Variants in PALLD observed in about 807,000 individuals in gnomAD.
PALLD encodes the protein palladin, cytoskeletal associated protein.
A neutral mutation model predicts 123.5 loss-of-function variants in PALLD; 61 were observed. That is an observed-to-expected ratio of 0.49 (90% CI 0.40 to 0.61). The LOEUF (loss-of-function observed/expected upper bound fraction) is 0.61, where lower values mean the gene tolerates loss of function less well. PALLD is among the 20% of genes least tolerant of loss of function. The pLI is 0.00. For missense variants in PALLD, 1,273 were observed against 1,377.0 expected (o/e 0.92, Z 1.20); for synonymous variants, 465 against 496.4 (o/e 0.94, Z 0.84).
In PALLD at chr4:168,844,680, C is replaced by T. The variant is rs535176833; in HGVS notation, c.1965-46242C>T. 3.9e-5 allele frequency: 6 copies of T among 152,148 alleles called. No individual in the cohort carries two copies. Among genetic ancestry groups the T allele is most frequent in the Non-Finnish European group, 7.3e-5 (5 of 68,034 alleles). The allele number at this position is 152,148 out of a possible 1,614,324, so 9.4% of individuals were successfully genotyped here. On this transcript the variant is annotated intron_variant, in intron 10 of 21. Coordinates refer to ENST00000505667, the MANE Select transcript of PALLD (RefSeq NM_001166108.2). The surrounding 1 kb of genome is among the most constrained non-coding windows in gnomAD (Gnocchi z 4.5). ...GAGATTGGACTCTGGCATCCCACAGCGTATCTTCCCTGCCAACTTCCTAAT... is the reference window on the plus strand; with the variant it reads ...GAGATTGGACTCTGGCATCCCACAGTGTATCTTCCCTGCCAACTTCCTAAT...
chr4:168,722,319 C>T (rs546900814), intron 10 of PALLD, among the ~76,000 whole-genome samples: 1 of 152,176 alleles, frequency 6.6e-6, no homozygotes, highest in East Asian at 1.9e-4. Flanking sequence ...AGACGTGAGC[C>T]ACCACACCTG....
At chr4:168,661,275 A>T (rs1316971338) in intron 2 of PALLD, among the ~76,000 whole-genome samples, 1 of 152,190 alleles carries the variant, frequency 6.6e-6, no homozygotes, top group South Asian at 2.1e-4. Flanking sequence ...GTATTTCCTT[A>T]TGTCTACAAT....
chr4:168,502,556 G>A (rs918253056), intron 1 of PALLD, among the ~76,000 whole-genome samples: 18 of 152,042 alleles, frequency 1.2e-4, no homozygotes, highest in Admixed American at 7.2e-4. Context: ...AACAGAGCCC[G>A]GGACACAAGC....
chr4:168,639,578 C>T (rs1348104018), intron 2 of PALLD, among the ~76,000 whole-genome samples: 3 of 148,256 alleles, frequency 2.0e-5, no homozygotes, highest in East Asian at 2.0e-4. Context: ...GAGTCTTGCT[C>T]TGTCACCCAG....
chr4:168,683,676 TA>T (rs375061129), intron 5 of PALLD, among the ~76,000 whole-genome samples: 6 of 149,192 alleles, frequency 4.0e-5, no homozygotes, highest in Admixed American at 1.3e-4. Context: ...GAACTTCTTT[TA>T]AAAAAAAAAG....
intron 2 of PALLD, among the ~76,000 whole-genome samples, chr4:168,556,347 T>G (rs955755988): frequency 2.6e-5 from 4 of 152,118 alleles, no homozygotes; most frequent in Non-Finnish European, 5.9e-5. Context: ...CGCCCGCCTC[T>G]GCCTCCCAAA....
At chr4:168,550,767 C>T (rs1766652333) in intron 2 of PALLD, among the ~76,000 whole-genome samples, 1 of 152,168 alleles carries the variant, frequency 6.6e-6, no homozygotes, top group South Asian at 2.1e-4. Context: ...TCTTTAGAGA[C>T]ATATGTTATG....
At chr4:168,770,595 TC>T (rs1167159650) in intron 10 of PALLD, among the ~76,000 whole-genome samples, 1 of 152,220 alleles carries the variant, frequency 6.6e-6, no homozygotes, top group Admixed American at 6.5e-5. Context: ...TGTACTTCTG[TC>T]TTTTTCCATT....
In PALLD at chr4:168,642,372, ATCT is replaced by A. The variant is rs1296194646; in HGVS notation, c.909-25813_909-25811del. ...TCTATTCCCTTTTCCAAGTGCAGGA[ATCT>A]TCTTTTTTATTTTTATTTATGTATT... On this transcript the variant is annotated intron_variant, in intron 2 of 21. Coordinates refer to ENST00000505667, the MANE Select transcript of PALLD (RefSeq NM_001166108.2). Among the ~76,000 whole-genome samples, 4 of 152,110 alleles carry A rather than the reference ATCT, an allele frequency of 2.6e-5. No individual in the cohort carries two copies. In the East Asian group the frequency reaches 7.7e-4, roughly 29 times the overall value.
intron 2 of PALLD, among the ~76,000 whole-genome samples, chr4:168,580,471 T>C (rs1580410727): frequency 6.6e-6 from 1 of 151,766 alleles, no homozygotes; most frequent in Non-Finnish European, 1.5e-5. Flanking sequence ...AGACAAAAAA[T>C]AACAGGTGCT....
In PALLD at chr4:168,711,839, C is replaced by T; in HGVS notation, c.1880C>T (p.Ala627Val). 2 of 1,614,170 alleles carry T rather than the reference C, an allele frequency of 1.2e-6. No homozygotes were observed. The highest frequency in any genetic ancestry group is 1.7e-5 in the Admixed American group (1 of 60,006). The change falls in exon 10 of 22, where the codon GCT becomes GTT. Residue 627 changes from alanine (A) to valine (V), a missense_variant. Ala to Val is a moderately conservative substitution (Grantham distance 64). Around this residue, in one of 2 missense-constraint regions of PALLD, gnomAD observed 944 missense variants for 954.5 expected, o/e 0.99. Coordinates refer to ENST00000505667, the MANE Select transcript of PALLD (RefSeq NM_001166108.2). ...RGVNGLINGK[A>V]NSNKSLPTPA... ...GTAAATGGACTGATTAACGGCAAAG[C>T]TAACAGTAATAAATCTCTTCCAACA...
intron 2 of PALLD, among the ~76,000 whole-genome samples, chr4:168,588,511 C>T (rs1314984631): frequency 1.3e-5 from 2 of 152,244 alleles, no homozygotes; most frequent in Non-Finnish European, 1.5e-5. Context: ...AAGCGATTCT[C>T]ATGCCTCAGC....
In PALLD at chr4:168,512,192, A is replaced by G; in HGVS notation, c.688A>G (p.Met230Val). ...SQSPMEDQGEMEREVKSPGAR... is the reference protein window; with the variant it reads ...SQSPMEDQGEVEREVKSPGAR... Reference sequence around the variant, plus strand: ...GAGCCCTATGGAAGACCAAGGGGAGATGGAAAGAGAGGTCAAGTCCCCTGG... The same window carrying G: ...GAGCCCTATGGAAGACCAAGGGGAGGTGGAAAGAGAGGTCAAGTCCCCTGG... The change falls in exon 2 of 22, where the codon ATG becomes GTG. Residue 230 changes from methionine (M) to valine (V), a missense_variant. By Grantham distance (21) the Met-to-Val change is conservative. This residue lies in a region of PALLD where 944 missense variants were observed against 954.5 expected (regional missense o/e 0.99). Transcript: ENST00000505667. 1 of 1,613,624 alleles carries G rather than the reference A, an allele frequency of 6.2e-7. No individual in the cohort carries two copies. Among genetic ancestry groups the G allele is most frequent in the Non-Finnish European group, 8.5e-7 (1 of 1,179,670 alleles).
intron 2 of PALLD, among the ~76,000 whole-genome samples, chr4:168,639,268 A>G (rs1776655675): frequency 6.6e-6 from 1 of 152,252 alleles, no homozygotes; most frequent in African/African-American, 2.4e-5. Context: ...ACTGAGGCCC[A>G]GACAAGTTAA....
intron 10 of PALLD, among the ~76,000 whole-genome samples, chr4:168,774,727 C>CAAAAAA (rs56364164): frequency 1.2e-4 from 9 of 73,216 alleles, no homozygotes; most frequent in African/African-American, 2.5e-4. Flanking sequence ...GACTGCATCT[C>CAAAAAA]AAAAAAAAAA....
Position 168,713,955 on chromosome 4 carries a change from T to G in PALLD, c.1964+2032T>G, listed in dbSNP as rs909310701. Among the ~76,000 whole-genome samples, 11 of 146,866 alleles carry G rather than the reference T, an allele frequency of 7.5e-5. No homozygotes were observed. The South Asian group carries it at 1.1e-3, about 14-fold the overall frequency. On this transcript the variant is annotated intron_variant, in intron 10 of 21. Coordinates refer to ENST00000505667, the MANE Select transcript of PALLD (RefSeq NM_001166108.2). ...GGTTTTCCCATTGTTTTTTTTTTTTTTTTTTTTTTTTTTCAAATCTTCGTA... is the reference window on the plus strand; with the variant it reads ...GGTTTTCCCATTGTTTTTTTTTTTTGTTTTTTTTTTTTTCAAATCTTCGTA...
Position 168,817,301 on chromosome 4 carries a change from G to A in PALLD, c.1965-73621G>A, listed in dbSNP as rs558201391. 5.9e-5 allele frequency among the ~76,000 whole-genome samples: 9 copies of A among 152,306 alleles called. No individual in the cohort carries two copies. In the South Asian group the frequency reaches 1.9e-3, roughly 32 times the overall value. Reference sequence around the variant, plus strand: ...ACGCACCATCACATTCCCTTTATGTGTAATGCATGAAACTTTTAGCCCAAG... The same window carrying A: ...ACGCACCATCACATTCCCTTTATGTATAATGCATGAAACTTTTAGCCCAAG... On this transcript the variant is annotated intron_variant, in intron 10 of 21. Transcript: ENST00000505667.
At chr4:168,540,897 T>A (rs892723749) in intron 2 of PALLD, among the ~76,000 whole-genome samples, 2 of 152,182 alleles carry the variant, frequency 1.3e-5, no homozygotes, top group African/African-American at 4.8e-5. Context: ...TTGGAGTTTG[T>A]ATTTGGCATT....
chr4:168,668,065 G>C (rs745506574), intron 2 of PALLD, 125 bp from the exon 3 acceptor site: 61 of 639,400 alleles, frequency 9.5e-5, no homozygotes, highest in Admixed American at 7.1e-5. Context: ...CACTGACATT[G>C]TTTTTTTTTT....
Sources: allele counts gnomAD v4.1 joint callset (sites outside exome capture counted in the v4.1 genomes callset), GRCh38; gene constraint gnomAD v4.1.1; regional missense constraint gnomAD v4.1.1; non-coding constraint Gnocchi (gnomAD v3.1); transcripts MANE v1.5; gene names NCBI Gene and HGNC (gene_info 2026-07-23, HGNC 2026-07-21).